Variants in LRP1B observed in about 807,000 individuals in gnomAD.
LRP1B encodes the protein LDL receptor related protein 1B.
Under a neutral mutation model 556.6 loss-of-function variants are expected in LRP1B, and 217 were observed. That is an observed-to-expected ratio of 0.39 (90% CI 0.35 to 0.44). The LOEUF is 0.44. LRP1B is among the 20% of genes least tolerant of loss of function. The probability of loss-of-function intolerance (pLI) is 1.00; values close to 1 mark genes in which losing one functional copy is unlikely to be tolerated. For synonymous variants in LRP1B, 2,047 were observed against 1,865.8 expected (o/e 1.10, Z -2.50); for missense variants, 5,053 against 5,620.8 (o/e 0.90, Z 3.23).
intron 1 of LRP1B, among the ~76,000 whole-genome samples, chr2:141,915,784 G>A (rs530030749): frequency 5.3e-5 from 8 of 152,172 alleles, no homozygotes; most frequent in South Asian, 2.1e-4. Flanking sequence ...ACATCAACAG[G>A]CACTTCTCAA....
intron 7 of LRP1B, among the ~76,000 whole-genome samples, chr2:141,166,057 C>G (rs992459690): frequency 6.6e-6 from 1 of 151,978 alleles, no homozygotes; most frequent in African/African-American, 2.4e-5. Context: ...ACTAATCTCC[C>G]CATTTCCATT....
intron 1 of LRP1B, among the ~76,000 whole-genome samples, chr2:141,885,178 G>A (rs937993222): frequency 2.0e-5 from 3 of 152,104 alleles, no homozygotes; most frequent in Non-Finnish European, 2.9e-5. Flanking sequence ...TAGCAGCCTG[G>A]TTCATTTTGG....
At chr2:141,632,383 A>G (rs1168464579) in intron 2 of LRP1B, among the ~76,000 whole-genome samples, 1 of 152,190 alleles carries the variant, frequency 6.6e-6, no homozygotes, top group Non-Finnish European at 1.5e-5. Flanking sequence ...TGAAATGCAT[A>G]GATGCTAGAC....
intron 76 of LRP1B, among the ~76,000 whole-genome samples, chr2:140,351,955 T>C (rs72894082): frequency 0.038 from 5,737 of 152,166 alleles, 119 homozygotes; most frequent in South Asian, 0.067. Flanking sequence ...AAAGGTGCTG[T>C]GCTGGGATTC....
At chr2:142,008,758 T>G (rs565237851) in intron 1 of LRP1B, among the ~76,000 whole-genome samples, 6 of 152,268 alleles carry the variant, frequency 3.9e-5, no homozygotes, top group Non-Finnish European at 8.8e-5. Context: ...CTTCTTGATT[T>G]ACCTGAATCT....
At chr2:140,753,159 T>C (rs544268552) in intron 35 of LRP1B, among the ~76,000 whole-genome samples, 20 of 152,296 alleles carry the variant, frequency 1.3e-4, no homozygotes, top group African/African-American at 4.6e-4. Context: ...AGTGTGATCA[T>C]AGACAAATTT....
rs965026802 is a variant in LRP1B, at chr2:141,091,933, C to T, written c.1014-29660G>A. Among the ~76,000 whole-genome samples the T allele has an allele frequency of 1.1e-4, 17 of 152,162 alleles. 1 individual carries two copies. The highest frequency in any genetic ancestry group is 6.5e-4 in the Admixed American group (10 of 15,278). On this transcript the variant is annotated intron_variant, in intron 7 of 90. Transcript: ENST00000389484. ...AACCCATCACCACTATGACTGCTGC[C>T]ACTCACTGAATCACCAAAAATTGGG...
intron 11 of LRP1B, among the ~76,000 whole-genome samples, chr2:141,032,846 CAT>C (rs1331947115): frequency 2.5e-5 from 2 of 81,150 alleles, no homozygotes; most frequent in African/African-American, 9.5e-5. Flanking sequence ...TATATGCAGG[CAT>C]ATGTGTGTGT....
chr2:141,305,515 C>T (rs1249681509), intron 3 of LRP1B, among the ~76,000 whole-genome samples: 1 of 152,112 alleles, frequency 6.6e-6, no homozygotes, highest in African/African-American at 2.4e-5. Context: ...TTTGTCTAGA[C>T]ATAAGATCAT....
At chr2:140,254,983 C>T (rs1681613648) in intron 86 of LRP1B, among the ~76,000 whole-genome samples, 1 of 152,118 alleles carries the variant, frequency 6.6e-6, no homozygotes, top group Non-Finnish European at 1.5e-5. Context: ...AATCTAGAAA[C>T]TACACTCTCA....
At chr2:141,642,088 ATT>A (rs1689359306) in intron 2 of LRP1B, among the ~76,000 whole-genome samples, 1 of 152,168 alleles carries the variant, frequency 6.6e-6, no homozygotes, top group South Asian at 2.1e-4. Context: ...ATGACCGTAG[ATT>A]TAACGAAGCT....
chr2:141,061,853 G>A (rs1525583), intron 8 of LRP1B, among the ~76,000 whole-genome samples, 198 bp downstream of exon 8: 126,903 of 151,752 alleles, frequency 0.84, 53,591 homozygotes, highest in Non-Finnish European at 0.89. Flanking sequence ...GGGAGAAAGA[G>A]CAAGAGAGGC....
At chr2:140,535,384 T>C (rs2104998648) in intron 46 of LRP1B, among the ~76,000 whole-genome samples, 1 of 152,336 alleles carries the variant, frequency 6.6e-6, no homozygotes, top group African/African-American at 2.4e-5. Context: ...AGACAAATTC[T>C]TTAAGACATT....
Position 142,061,991 on chromosome 2 carries a change from A to G in LRP1B, c.82+68657T>C, listed in dbSNP as rs182058317. Among the ~76,000 whole-genome samples the G allele has an allele frequency of 1.3e-4, 19 of 151,968 alleles. No individual in the cohort carries two copies. In the East Asian group the frequency reaches 3.7e-3, roughly 30 times the overall value. ...AATCCTTAATGAGTGGGCTGCTGCT[A>G]TTGCTCAGGAGTTGCTCATTAGAGG... is the stretch of plus-strand genomic sequence containing the variant. On this transcript the variant is annotated intron_variant, in intron 1 of 90. Transcript: ENST00000389484.
intron 32 of LRP1B, among the ~76,000 whole-genome samples, chr2:140,781,146 G>A (rs1423466335): frequency 6.6e-6 from 1 of 152,130 alleles, no homozygotes; most frequent in African/African-American, 2.4e-5. Flanking sequence ...TAAAGGAGCA[G>A]ATACAAAGAA....
chr2:141,349,566 C>T (rs1243859291), intron 3 of LRP1B, among the ~76,000 whole-genome samples: 2 of 152,088 alleles, frequency 1.3e-5, no homozygotes, highest in African/African-American at 2.4e-5. Context: ...ATCGAAACAA[C>T]TACCTTCAGA....
At chr2:141,339,767 T>TTTTA (rs869119147) in intron 3 of LRP1B, among the ~76,000 whole-genome samples, 605 of 31,608 alleles carry the variant, frequency 0.019, 2 homozygotes, top group African/African-American at 0.054. Flanking sequence ...TATTTTTCTC[T>TTTTA]TTTATTTATT....
At chr2:140,690,715 G>A (rs1686206764) in intron 41 of LRP1B, among the ~76,000 whole-genome samples, 1 of 152,070 alleles carries the variant, frequency 6.6e-6, no homozygotes, top group African/African-American at 2.4e-5. Flanking sequence ...CAATGACCAT[G>A]TAACCCTTTC....
intron 1 of LRP1B, among the ~76,000 whole-genome samples, chr2:141,901,562 T>A (rs1699618872): frequency 6.6e-6 from 1 of 151,970 alleles, no homozygotes; most frequent in Admixed American, 6.6e-5. Context: ...ACTTTTTCTT[T>A]ATACATAATA....
Sources: gnomAD v4.1 joint callset for allele counts (sites outside exome capture counted in the v4.1 genomes callset) on GRCh38, gnomAD v4.1.1 for gene constraint, MANE v1.5 for transcripts, NCBI Gene and HGNC (gene_info 2026-07-23, HGNC 2026-07-21) for gene names.